The following MAGI2 variants were observed in gnomAD, a reference collection of about 807,000 sequenced individuals.
MAGI2 encodes the protein membrane-associated guanylate kinase, WW and PDZ domain-containing protein 2.
MAGI2 carries 35 observed loss-of-function variants against 133.3 expected under a neutral mutation model. That is an observed-to-expected ratio of 0.26 (90% confidence interval 0.20 to 0.35). The LOEUF is 0.35. Among genes scored for constraint, MAGI2 ranks in the 10% least tolerant of loss-of-function variants. MAGI2 has a pLI of 1.00. For synonymous variants in MAGI2, 729 were observed against 710.6 expected (o/e 1.03, Z -0.41); for missense variants, 1,636 against 1,863.4 (o/e 0.88, Z 2.25).
rs117486758 is a variant in MAGI2, at chr7:78,548,792, T to C, written c.539-27147A>G. 3.5e-4 allele frequency among the ~76,000 whole-genome samples: 54 copies of C among 152,354 alleles called. No homozygotes were observed. The East Asian group carries it at 0.01, about 29-fold the overall frequency. On this transcript the variant is annotated intron_variant, in intron 3 of 21. Transcript: ENST00000354212. ...CAACTGAATACAGTTTTAGAGACCT[T>C]ATTTTACCAGAATAGAAAACAGTGG...
At chr7:78,148,028 C>T (rs187667944) in intron 16 of MAGI2, among the ~76,000 whole-genome samples, 123 of 152,206 alleles carry the variant, frequency 8.1e-4, no homozygotes, top group Admixed American at 8.0e-3. Context: ...AGCAATCCTA[C>T]ACCTAGATAT....
intron 6 of MAGI2, among the ~76,000 whole-genome samples, chr7:78,379,520 G>T (rs1358106912): frequency 6.6e-6 from 1 of 151,968 alleles, no homozygotes; most frequent in Non-Finnish European, 1.5e-5. Flanking sequence ...ATCAATATTT[G>T]TGTACCAAAT....
At chr7:78,189,801 G>A (rs1828037702) in intron 12 of MAGI2, among the ~76,000 whole-genome samples, 1 of 152,170 alleles carries the variant, frequency 6.6e-6, no homozygotes, top group Admixed American at 6.6e-5. Flanking sequence ...TGAGCTGAAT[G>A]ATAAGACAAG....
At chr7:78,853,501 A>G (rs1793353462) in intron 2 of MAGI2, among the ~76,000 whole-genome samples, 1 of 151,014 alleles carries the variant, frequency 6.6e-6, no homozygotes, top group African/African-American at 2.4e-5. Context: ...GACTACAGAC[A>G]CATGCCACAA....
chr7:79,361,816 A>C (rs1204170369), intron 1 of MAGI2, among the ~76,000 whole-genome samples: 1 of 152,238 alleles, frequency 6.6e-6, no homozygotes, highest in Non-Finnish European at 1.5e-5. Flanking sequence ...ACATGGAAAT[A>C]AACAATACAC....
At position 79,176,191 on chromosome 7, in the gene MAGI2, G is replaced by A. The variant is rs142714714; in HGVS notation, c.302-168985C>T. ...GTGGTGGACATCATGATGCCCACTCGAATATACCTTTAAGGAAGGACCTGC... is the reference window on the plus strand; with the variant it reads ...GTGGTGGACATCATGATGCCCACTCAAATATACCTTTAAGGAAGGACCTGC... On this transcript the variant is annotated intron_variant, in intron 1 of 21. Transcript: ENST00000354212. Among the ~76,000 whole-genome samples the A allele has an allele frequency of 2.3e-3, 354 of 152,032 alleles. 8 individuals are homozygous for A. Among genetic ancestry groups the A allele is most frequent in the African/African-American group, 7.9e-3 (326 of 41,378 alleles).
rs2150607616 is a variant in MAGI2 at position 78,160,064 on chromosome 7, T to C, written c.2806A>G (p.Ile936Val). The C allele has an allele frequency of 6.2e-7, 1 of 1,601,864 alleles. No homozygotes were observed. The highest frequency in any genetic ancestry group is 8.5e-7 in the Non-Finnish European group (1 of 1,172,352). Residue 936 changes from isoleucine to valine, a missense_variant, in exon 16 of 22, where the codon ATC becomes GTC. By Grantham distance (29) the Ile-to-Val change is conservative (BLOSUM62 3). Around this residue, in one of 5 missense-constraint regions of MAGI2, gnomAD observed 920 missense variants for 1,093.5 expected, o/e 0.84. Transcript: ENST00000354212. ...GACTCAGGCCTGTTCAGGGAGCTGA[T>C]GATGACAAAGCCGAAGCCCTCATTC... ...KENEGFGFVI[I>V]SSLNRPESGS...
chr7:79,419,188 T>C (rs2129178094), intron 1 of MAGI2, among the ~76,000 whole-genome samples: 1 of 152,130 alleles, frequency 6.6e-6, no homozygotes, highest in East Asian at 1.9e-4. Flanking sequence ...GTTTTCTCCT[T>C]TGTATATTTC....
chr7:79,132,739 A>T (rs1202387370), intron 1 of MAGI2, among the ~76,000 whole-genome samples: 2 of 152,026 alleles, frequency 1.3e-5, no homozygotes, highest in East Asian at 3.9e-4. Flanking sequence ...TTTTTCAGAG[A>T]GGTTTTACTA....
At chr7:78,768,671 T>C (rs1825268818) in intron 2 of MAGI2, among the ~76,000 whole-genome samples, 1 of 152,222 alleles carries the variant, frequency 6.6e-6, no homozygotes, top group African/African-American at 2.4e-5. Context: ...TGTCCTAGTG[T>C]GGAGATGACT....
intron 11 of MAGI2, among the ~76,000 whole-genome samples, chr7:78,198,730 C>G (rs1490245810): frequency 6.6e-6 from 1 of 152,132 alleles, no homozygotes; most frequent in East Asian, 1.9e-4. Flanking sequence ...GCCCCTCTCC[C>G]CTACTCCCAT....
At chr7:78,089,089 A>T (rs1816928939) in intron 20 of MAGI2, among the ~76,000 whole-genome samples, 1 of 152,224 alleles carries the variant, frequency 6.6e-6, no homozygotes, top group African/African-American at 2.4e-5. Flanking sequence ...TCCAAATGGA[A>T]CCAGCCCTGC....
intron 2 of MAGI2, among the ~76,000 whole-genome samples, chr7:78,964,461 T>C (rs1377016083): frequency 6.6e-6 from 1 of 152,078 alleles, no homozygotes; most frequent in African/African-American, 2.4e-5. Flanking sequence ...CCAATTAAGT[T>C]GCTTCCTCTT....
chr7:79,202,126 T>C (rs1828663198), intron 1 of MAGI2, among the ~76,000 whole-genome samples: 1 of 152,052 alleles, frequency 6.6e-6, no homozygotes, highest in Admixed American at 6.6e-5. Flanking sequence ...GATAAAGAAT[T>C]AGTAGATAAT....
At chr7:79,377,925 T>C (rs1307308450) in intron 1 of MAGI2, among the ~76,000 whole-genome samples, 2 of 151,870 alleles carry the variant, frequency 1.3e-5, no homozygotes, top group Non-Finnish European at 2.9e-5. Context: ...ATATTATTAA[T>C]GAATGCACAA....
chr7:78,223,654 AT>A (rs1295761708), intron 10 of MAGI2, among the ~76,000 whole-genome samples: 1 of 152,216 alleles, frequency 6.6e-6, no homozygotes, highest in African/African-American at 2.4e-5. Flanking sequence ...TAACAAGATA[AT>A]TTACCTCACC....
intron 3 of MAGI2, among the ~76,000 whole-genome samples, chr7:78,594,536 C>T (rs1804388808): frequency 6.6e-6 from 1 of 152,190 alleles, no homozygotes; most frequent in African/African-American, 2.4e-5. Flanking sequence ...TGGCTCACTG[C>T]AAACTCTGCC....
At chr7:79,222,548 A>C (rs145985800) in intron 1 of MAGI2, among the ~76,000 whole-genome samples, 1 of 152,064 alleles carries the variant, frequency 6.6e-6, no homozygotes, top group East Asian at 1.9e-4. Context: ...GAGATTCTGC[A>C]TAATAAAAAC....
intron 2 of MAGI2, among the ~76,000 whole-genome samples, chr7:78,666,669 A>G (rs1813625394): frequency 6.6e-6 from 1 of 152,208 alleles, no homozygotes; most frequent in South Asian, 2.1e-4. Context: ...GGATCATCCA[A>G]AGTATGAGGG....
Sources: allele counts gnomAD v4.1 joint callset (sites outside exome capture counted in the v4.1 genomes callset), GRCh38; gene constraint gnomAD v4.1.1; regional missense constraint gnomAD v4.1.1; transcripts MANE v1.5; gene names NCBI Gene and HGNC (gene_info 2026-07-23, HGNC 2026-07-21).